PCDH15: variants seen among roughly 807,000 people sequenced by gnomAD.
The protein encoded by PCDH15 is protocadherin-15.
PCDH15 carries 129 observed loss-of-function variants against 178.5 expected under a neutral mutation model. That is an observed-to-expected ratio of 0.72 (90% CI 0.63 to 0.84). The LOEUF is 0.84. Among genes scored for constraint, PCDH15 ranks in the 40% least tolerant of loss-of-function variants. The pLI is 0.00. For missense variants in PCDH15, 2,230 were observed against 2,099.9 expected (o/e 1.06, Z -1.21); for synonymous variants, 800 against 732.0 (o/e 1.09, Z -1.50).
intron 14 of PCDH15, among the ~76,000 whole-genome samples, chr10:54,151,644 A>C (rs2133316547): frequency 6.6e-6 from 1 of 152,282 alleles, no homozygotes; most frequent in Admixed American, 6.5e-5. Flanking sequence ...AAGAAAAACA[A>C]AAAGCCTGCT....
chr10:54,228,300 G>A (rs2134273194), intron 9 of PCDH15, among the ~76,000 whole-genome samples: 1 of 152,214 alleles, frequency 6.6e-6, no homozygotes, highest in South Asian at 2.1e-4. Flanking sequence ...TTACATGGAT[G>A]GCAGCAGGCA....
intron 1 of PCDH15, among the ~76,000 whole-genome samples, chr10:55,221,519 C>T (rs944295525): frequency 2.0e-5 from 3 of 151,998 alleles, no homozygotes; most frequent in Non-Finnish European, 4.4e-5. Context: ...AGAATCGTGT[C>T]GCTACCTGTT....
intron 8 of PCDH15, among the ~76,000 whole-genome samples, chr10:54,293,543 G>T (rs2059559059): frequency 1.3e-5 from 2 of 151,972 alleles, no homozygotes; most frequent in South Asian, 4.1e-4. Context: ...CTACAGAATG[G>T]GAGACAATTT....
At chr10:54,892,245 C>T (rs1954476474) in intron 3 of PCDH15, among the ~76,000 whole-genome samples, 1 of 152,056 alleles carries the variant, frequency 6.6e-6, no homozygotes, top group Admixed American at 6.6e-5. Context: ...AATATGGAGG[C>T]TTCTGTTGTA....
intron 1 of PCDH15, among the ~76,000 whole-genome samples, chr10:55,236,584 A>T (rs1413441072): frequency 6.6e-6 from 1 of 152,128 alleles, no homozygotes; most frequent in African/African-American, 2.4e-5. Context: ...AAAATATCAT[A>T]AAAAGAAATG....
intron 8 of PCDH15, among the ~76,000 whole-genome samples, chr10:54,289,214 A>G (rs1224761590): frequency 6.6e-6 from 1 of 152,204 alleles, no homozygotes; most frequent in African/African-American, 2.4e-5. Context: ...TCCACTGGTG[A>G]TACCTAGGCA....
At chr10:55,408,610 A>G (rs1838261784) in intron 2 of PCDH15, among the ~76,000 whole-genome samples, 1 of 152,224 alleles carries the variant, frequency 6.6e-6, no homozygotes, top group Non-Finnish European at 1.5e-5. Context: ...TCACATTAAA[A>G]TATTGAAGTA....
chr10:55,553,395 C>A (rs931923490), intron 2 of PCDH15, among the ~76,000 whole-genome samples: 4 of 151,712 alleles, frequency 2.6e-5, no homozygotes, highest in Non-Finnish European at 4.4e-5. Context: ...TAAAATAAAT[C>A]ATTATTACTC....
chr10:54,236,096 T>A (rs1281817692), intron 9 of PCDH15, among the ~76,000 whole-genome samples: 3 of 152,160 alleles, frequency 2.0e-5, no homozygotes, highest in Non-Finnish European at 2.9e-5. Flanking sequence ...TTAAAGTTAT[T>A]TTTCAAGCAC....
At chr10:54,052,827 A>G (rs2093807179) in intron 18 of PCDH15, among the ~76,000 whole-genome samples, 1 of 152,066 alleles carries the variant, frequency 6.6e-6, no homozygotes, top group Non-Finnish European at 1.5e-5. Context: ...TGTGGGAGGA[A>G]CCCAGTGGGA....
At chr10:54,345,824 A>G (rs1441873658) in intron 6 of PCDH15, among the ~76,000 whole-genome samples, 3 of 147,910 alleles carry the variant, frequency 2.0e-5, no homozygotes, top group African/African-American at 5.1e-5. Flanking sequence ...AAAAAAAAAA[A>G]AAAAAAAAAA....
At chr10:55,137,891 G>C (rs997857799) in intron 2 of PCDH15, among the ~76,000 whole-genome samples, 3 of 152,124 alleles carry the variant, frequency 2.0e-5, no homozygotes, top group Non-Finnish European at 4.4e-5. Context: ...CAAAGCTACT[G>C]GGGGCAGGAG....
At chr10:55,481,177 G>C (rs1251777169) in intron 2 of PCDH15, among the ~76,000 whole-genome samples, 1 of 151,618 alleles carries the variant, frequency 6.6e-6, no homozygotes, top group African/African-American at 2.4e-5. Context: ...GGGGTCATTG[G>C]TAATATCCCC....
At chr10:54,698,185 G>A (rs967822587) in intron 1 of PCDH15, among the ~76,000 whole-genome samples, 1 of 152,100 alleles carries the variant, frequency 6.6e-6, no homozygotes, top group African/African-American at 2.4e-5. Context: ...GAAATCACAG[G>A]CAAATTGCTT....
At chr10:54,764,077 G>C (rs1233793893) in intron 1 of PCDH15, among the ~76,000 whole-genome samples, 2 of 151,854 alleles carry the variant, frequency 1.3e-5, no homozygotes, top group African/African-American at 4.8e-5. Flanking sequence ...AAGCAAACTA[G>C]AATAGAAAGT....
intron 26 of PCDH15, among the ~76,000 whole-genome samples, chr10:53,892,587 T>C (rs2081647763): frequency 6.6e-6 from 1 of 152,104 alleles, no homozygotes; most frequent in Admixed American, 6.6e-5. Context: ...TCAACTGACA[T>C]CTAAAATAGA....
intron 2 of PCDH15, among the ~76,000 whole-genome samples, chr10:55,147,509 G>T (rs183615137): frequency 6.6e-6 from 1 of 151,474 alleles, no homozygotes. Flanking sequence ...AAAATACAAA[G>T]TCCTGTAAAA....
At chr10:54,292,428 C>A (rs1051741220) in intron 8 of PCDH15, among the ~76,000 whole-genome samples, 2 of 152,166 alleles carry the variant, frequency 1.3e-5, no homozygotes, top group African/African-American at 4.8e-5. Flanking sequence ...GGGATGTCCT[C>A]TCTCACCACT....
intron 18 of PCDH15, among the ~76,000 whole-genome samples, chr10:54,044,995 C>T (rs2093628208): frequency 6.6e-6 from 1 of 152,072 alleles, no homozygotes; most frequent in Admixed American, 6.6e-5. Flanking sequence ...TGCATAGGAC[C>T]ACTGGATCTG....
Sources: allele counts gnomAD v4.1 joint callset (sites outside exome capture counted in the v4.1 genomes callset), GRCh38; gene constraint gnomAD v4.1.1; transcripts MANE v1.5; gene names NCBI Gene and HGNC (gene_info 2026-07-23, HGNC 2026-07-21).